The following TMEM132C variants were observed in gnomAD, a reference collection of about 807,000 sequenced individuals.
The protein encoded by TMEM132C is protein phosphatase 1, regulatory subunit 152.
In TMEM132C, 29 loss-of-function variants were observed where a neutral mutation model predicts 61.4. That is an observed-to-expected ratio of 0.47 (90% CI 0.35 to 0.64). The LOEUF (loss-of-function observed/expected upper bound fraction) is 0.64. Among genes scored for constraint, TMEM132C ranks in the 30% least tolerant of loss-of-function variants. The probability of loss-of-function intolerance (pLI) is 0.00; values close to 1 mark genes in which losing one functional copy is unlikely to be tolerated. For synonymous variants in TMEM132C, 656 were observed against 633.1 expected, an observed-to-expected ratio of 1.04 and a Z score of -0.54; for missense variants, 1,408 against 1,476.9, an observed-to-expected ratio of 0.95 and a Z score of 0.76.
At position 128,326,082 on chromosome 12, in the gene TMEM132C, A is replaced by G. The variant is rs1294876584; in HGVS notation, c.85+58595A>G. On this transcript the variant is annotated intron_variant, in intron 1 of 8. Transcript: ENST00000435159. This position sits in a 1 kb window ranked among gnomAD's most constrained non-coding sequence, Gnocchi z 5.6. ...TTGGAATGAACGAGTAAATGAATGA[A>G]TGCATGCATTCATGTTTCTTCAAAG... Among the ~76,000 whole-genome samples the G allele has an allele frequency of 1.3e-5, 2 of 152,100 alleles. No individual in the cohort carries two copies. The highest frequency in any genetic ancestry group is 4.8e-5 in the African/African-American group (2 of 41,424).
At chr12:128,493,489 A>C (rs1871825346) in intron 2 of TMEM132C, among the ~76,000 whole-genome samples, 1 of 152,150 alleles carries the variant, frequency 6.6e-6, no homozygotes, top group Non-Finnish European at 1.5e-5. Context: ...TGAGCATGGA[A>C]TGTTCTTCCA....
intron 1 of TMEM132C, among the ~76,000 whole-genome samples, chr12:128,301,637 A>G (rs1334626563): frequency 6.6e-6 from 1 of 152,202 alleles, no homozygotes; most frequent in African/African-American, 2.4e-5. Flanking sequence ...AAAGAAAGGA[A>G]AGAAATTTGC....
intron 2 of TMEM132C, among the ~76,000 whole-genome samples, chr12:128,417,314 G>A (rs1360016891): frequency 6.6e-6 from 1 of 152,168 alleles, no homozygotes; most frequent in Non-Finnish European, 1.5e-5. Context: ...CTTTGTTAAT[G>A]TCCCTCTTCA....
At chr12:128,363,827 AGAGT>A (rs1228026502) in intron 1 of TMEM132C, among the ~76,000 whole-genome samples, 2 of 146,108 alleles carry the variant, frequency 1.4e-5, no homozygotes, top group Non-Finnish European at 3.0e-5. Flanking sequence ...CCTGAGCAAC[AGAGT>A]GAGACTCTGT....
At chr12:128,627,117 A>C (rs904159178) in intron 4 of TMEM132C, among the ~76,000 whole-genome samples, 35 of 152,116 alleles carry the variant, frequency 2.3e-4, no homozygotes, top group African/African-American at 8.4e-4. Flanking sequence ...TGCCCACCTC[A>C]TCCCTGGAGG....
chr12:128,613,762 T>C (rs1876711755), intron 3 of TMEM132C, among the ~76,000 whole-genome samples: 1 of 152,132 alleles, frequency 6.6e-6, no homozygotes, highest in Admixed American at 6.6e-5. Context: ...CTGAGGGTGA[T>C]GTGGTGGAGA....
chr12:128,585,458 G>T (rs752648176), intron 3 of TMEM132C, among the ~76,000 whole-genome samples: 5 of 152,258 alleles, frequency 3.3e-5, no homozygotes, highest in Non-Finnish European at 7.3e-5. Context: ...TGCAGTGACA[G>T]ATGTTAAATG....
In TMEM132C at chr12:128,326,510, T is replaced by A. The variant is rs1872522051; in HGVS notation, c.85+59023T>A. Among the ~76,000 whole-genome samples, 1 of 152,230 alleles carries A rather than the reference T, an allele frequency of 6.6e-6. No homozygotes were observed. The highest frequency in any genetic ancestry group is 2.1e-4 in the South Asian group (1 of 4,834). On this transcript the variant is annotated intron_variant, in intron 1 of 8. Coordinates refer to ENST00000435159, the MANE Select transcript of TMEM132C (RefSeq NM_001136103.3). This position sits in a 1 kb window ranked among gnomAD's most constrained non-coding sequence, Gnocchi z 5.6. ...CCAGAGGGGTCTTGGTTTTCCATCC[T>A]GCCCTGAGCCTAGTGTGAGGTGGAG...
chr12:128,304,795 T>A (rs1871712647), intron 1 of TMEM132C, among the ~76,000 whole-genome samples: 1 of 152,118 alleles, frequency 6.6e-6, no homozygotes, highest in South Asian at 2.1e-4. Flanking sequence ...GCCCATAGCT[T>A]TGTAGGTTCA....
intron 1 of TMEM132C, among the ~76,000 whole-genome samples, chr12:128,378,119 GT>G (rs55959629): frequency 0.04 from 5,840 of 145,280 alleles, 394 homozygotes; most frequent in African/African-American, 0.14. Context: ...GTTTTTTTTT[GT>G]TTTTTTTTTT....
At chr12:128,619,413 A>T (rs1454690068) in intron 4 of TMEM132C, among the ~76,000 whole-genome samples, 1 of 152,200 alleles carries the variant, frequency 6.6e-6, no homozygotes, top group African/African-American at 2.4e-5. Flanking sequence ...TGCAATGGGA[A>T]AAGCAGGGAG....
intron 2 of TMEM132C, among the ~76,000 whole-genome samples, chr12:128,423,705 T>TA (rs1009548257): frequency 3.4e-5 from 5 of 147,352 alleles, no homozygotes; most frequent in African/African-American, 1.0e-4. Context: ...CCCTGTCTCT[T>TA]AAAAAAAAGA....
intron 5 of TMEM132C, among the ~76,000 whole-genome samples, chr12:128,669,808 G>A (rs547613689): frequency 2.0e-5 from 3 of 152,064 alleles, no homozygotes; most frequent in Admixed American, 6.5e-5. Flanking sequence ...AATTGTGTGT[G>A]TGCATATACC....
At chr12:128,550,304 G>T (rs7969752) in intron 3 of TMEM132C, among the ~76,000 whole-genome samples, 4,308 of 150,928 alleles carry the variant, frequency 0.029, 253 homozygotes, top group African/African-American at 0.1. Context: ...CTGGTGTCTT[G>T]TCTTTTTTTT....
chr12:128,468,351 C>T (rs1181121185), intron 2 of TMEM132C, among the ~76,000 whole-genome samples: 2 of 151,830 alleles, frequency 1.3e-5, no homozygotes, highest in East Asian at 3.9e-4. Context: ...GAGTTTTGCT[C>T]TTGTCACCCA....
intron 2 of TMEM132C, among the ~76,000 whole-genome samples, chr12:128,434,866 C>A (rs1312054829): frequency 1.3e-5 from 2 of 151,682 alleles, no homozygotes; most frequent in Admixed American, 1.3e-4. Context: ...AGGCAATCTG[C>A]CTGCCTCGAC....
chr12:128,524,107 C>T (rs1873005853), intron 2 of TMEM132C, among the ~76,000 whole-genome samples: 1 of 152,050 alleles, frequency 6.6e-6, no homozygotes, highest in Admixed American at 6.5e-5. Flanking sequence ...GAGTCATTCC[C>T]ATTTCTCTGT....
intron 6 of TMEM132C, 47 bp downstream of exon 6, chr12:128,694,081 A>G (rs1427826948): frequency 1.3e-6 from 2 of 1,534,814 alleles, no homozygotes; most frequent in Non-Finnish European, 1.8e-6. Context: ...CAACAACTTT[A>G]TTTACTGACC....
chr12:128,656,685 A>T (rs1954328131), intron 4 of TMEM132C, among the ~76,000 whole-genome samples: 1 of 152,154 alleles, frequency 6.6e-6, no homozygotes, highest in Admixed American at 6.5e-5. Flanking sequence ...TCCCCAGAGG[A>T]TGCTGATTCT....
Sources: gnomAD v4.1 joint callset for allele counts (sites outside exome capture counted in the v4.1 genomes callset) on GRCh38, gnomAD v4.1.1 for gene constraint, Gnocchi (gnomAD v3.1) non-coding constraint, MANE v1.5 for transcripts, NCBI Gene and HGNC (gene_info 2026-07-23, HGNC 2026-07-21) for gene names.